PURA: variants seen among roughly 807,000 people sequenced by gnomAD.
The protein encoded by PURA is purine rich element binding protein A.
In PURA, 2 loss-of-function variants were observed where a neutral mutation model predicts 23.1. That is an observed-to-expected ratio of 0.09 (90% CI 0.04 to 0.27). The LOEUF (loss-of-function observed/expected upper bound fraction) is 0.27, where lower values mean the gene tolerates loss of function less well. Among genes scored for constraint, PURA ranks in the 10% least tolerant of loss-of-function variants. PURA has a pLI of 1.00. For missense variants in PURA, 187 were observed against 449.7 expected (o/e 0.42, Z 5.28); for synonymous variants, 254 against 205.9 (o/e 1.23, Z -2.00).
rs1226329374 is a variant in PURA at position 140,114,944 on chromosome 5, A to C, written c.763A>C (p.Asn255His). ...GAGCGAGGTGAAGCCCACCTATCGC[A>C]ACTCCATCACCGTGCCCTACAAGGT... is the stretch of plus-strand genomic sequence containing the variant. ...RVSEVKPTYRNSITVPYKVWA... is the reference protein window; with the variant it reads ...RVSEVKPTYRHSITVPYKVWA... Residue 255 changes from asparagine (N) to histidine (H), a missense_variant, in exon 1 of 1, where the codon AAC becomes CAC. Asn to His is a moderately conservative substitution (Grantham distance 68, BLOSUM62 1). Transcript: ENST00000331327. 1 of 1,614,096 alleles carries C rather than the reference A, an allele frequency of 6.2e-7. No homozygotes were observed. The highest frequency in any genetic ancestry group is 1.3e-5 in the African/African-American group (1 of 74,934).
At position 140,120,668 on chromosome 5, in the gene PURA, T is replaced by C. The variant is rs1349928248; in HGVS notation, c.*5518T>C. The C allele has an allele frequency of 1.2e-5, 2 of 165,796 alleles. No homozygotes were observed. Among genetic ancestry groups the C allele is most frequent in the Non-Finnish European group, 2.9e-5 (2 of 67,950 alleles). 10.3% of individuals were successfully genotyped at this position (165,796 alleles called of 1,614,324 possible). A position where few individuals can be genotyped will look rare whatever the true frequency, so the allele number is the denominator to read the frequency against. The stretch of plus-strand genomic sequence containing the variant: ...CAGAATTAGCATGAGTCAGGTAGAA[T>C]TTCATGATAAAAGAACAACCAGATG... On this transcript the variant is annotated 3_prime_UTR_variant, in exon 1 of 1. Coordinates refer to ENST00000331327, the MANE Select transcript of PURA (RefSeq NM_005859.5).
In PURA at chr5:140,123,189, GA is replaced by G. The variant is rs1763170992; in HGVS notation, c.*8042del. 1 of 166,846 alleles carries G rather than the reference GA, an allele frequency of 6.0e-6. No individual in the cohort carries two copies. Among genetic ancestry groups the G allele is most frequent in the South Asian group, 2.1e-4 (1 of 4,830 alleles). 10.3% of individuals were successfully genotyped at this position (166,846 alleles called of 1,614,324 possible). On this transcript the variant is annotated 3_prime_UTR_variant, in exon 1 of 1. Coordinates refer to ENST00000331327, the MANE Select transcript of PURA (RefSeq NM_005859.5). ...GCCTTCTTAAATAGCCCCTCCCTTA[GA>G]AATTTGTTTAAAAAGAAGTGAATTC...
rs1407326113 is a variant in PURA, at chr5:140,115,213, A to C, written c.*63A>C. The C allele has an allele frequency of 1.0e-6, 1 of 1,000,752 alleles. No individual in the cohort carries two copies. The highest frequency in any genetic ancestry group is 1.4e-6 in the Non-Finnish European group (1 of 704,426). 62.0% of individuals were successfully genotyped at this position (1,000,752 alleles called of 1,614,324 possible). On this transcript the variant is annotated 3_prime_UTR_variant, in exon 1 of 1. Transcript: ENST00000331327. This position sits in a 1 kb window ranked among gnomAD's most constrained non-coding sequence, Gnocchi z 4.1. ...TACACACACACACACAGCCACACACACAGAAAATATACTGTAAAGAAAGAG... is the reference window on the plus strand; with the variant it reads ...TACACACACACACACAGCCACACACCCAGAAAATATACTGTAAAGAAAGAG...
chr5:140,115,188 T>A lies in PURA; in HGVS notation c.*38T>A. 9.2e-7 allele frequency: 1 copy of A among 1,089,662 alleles called. No individual in the cohort carries two copies. Among genetic ancestry groups the A allele is most frequent in the Non-Finnish European group, 1.3e-6 (1 of 772,494 alleles). 67.5% of individuals were successfully genotyped at this position (1,089,662 alleles called of 1,614,324 possible). ...AAACCCCCACACACACACACATGCA[T>A]ACACACACACACACAGCCACACACA... On this transcript the variant is annotated 3_prime_UTR_variant, in exon 1 of 1. Coordinates refer to ENST00000331327, the MANE Select transcript of PURA (RefSeq NM_005859.5). This position sits in a 1 kb window ranked among gnomAD's most constrained non-coding sequence, Gnocchi z 4.1.
In PURA at chr5:140,118,795, C is replaced by T. The variant is rs992611696; in HGVS notation, c.*3645C>T. On this transcript the variant is annotated 3_prime_UTR_variant, in exon 1 of 1. Transcript: ENST00000331327. Reference sequence around the variant, plus strand: ...CCATGCAGGGGTTGAAATTTGATTCCAAGCGGAAAGTATATTATGTTTTTT... The same window carrying T: ...CCATGCAGGGGTTGAAATTTGATTCTAAGCGGAAAGTATATTATGTTTTTT... 6.0e-6 allele frequency: 1 copy of T among 166,808 alleles called. No homozygotes were observed. The highest frequency in any genetic ancestry group is 1.5e-5 in the Non-Finnish European group (1 of 68,026). 10.3% of individuals were successfully genotyped at this position (166,808 alleles called of 1,614,324 possible). A position where few individuals can be genotyped will look rare whatever the true frequency, so the allele number is the denominator to read the frequency against.
rs1763086600 is a variant in PURA at position 140,116,874 on chromosome 5, AT to A, written c.*1726del. Reference sequence around the variant, plus strand: ...TCTGACAGAGAGTTCTGGGGATGGAATTGTTTCTTGGCAAATCCAGCCATAT... The same window carrying A: ...TCTGACAGAGAGTTCTGGGGATGGAATGTTTCTTGGCAAATCCAGCCATAT... On this transcript the variant is annotated 3_prime_UTR_variant, in exon 1 of 1. Transcript: ENST00000331327. 3 of 166,014 alleles carry A rather than the reference AT, an allele frequency of 1.8e-5. No individual in the cohort carries two copies. The highest frequency in any genetic ancestry group is 7.3e-5 in the African/African-American group (3 of 41,346). The allele number at this position is 166,014 out of a possible 1,614,324, so 10.3% of individuals were successfully genotyped here. A position where few individuals can be genotyped will look rare whatever the true frequency, so the allele number is the denominator to read the frequency against.
rs1763094467 is a variant in PURA at position 140,117,461 on chromosome 5, A to G, written c.*2311A>G. The G allele has an allele frequency of 6.0e-6, 1 of 166,996 alleles. No homozygotes were observed. Among genetic ancestry groups the G allele is most frequent in the South Asian group, 2.1e-4 (1 of 4,828 alleles). 10.3% of individuals were successfully genotyped at this position (166,996 alleles called of 1,614,324 possible). ...TCTCTGTGCTGTTACTAATTAGGAA[A>G]GAGAATTGCTTTGATTTTGTCTCTT... On this transcript the variant is annotated 3_prime_UTR_variant, in exon 1 of 1. Transcript: ENST00000331327.
At position 140,121,915 on chromosome 5, in the gene PURA, G is replaced by A. The variant is rs1240039739; in HGVS notation, c.*6765G>A. 2.4e-5 allele frequency: 4 copies of A among 166,624 alleles called. No homozygotes were observed. The highest frequency in any genetic ancestry group is 5.9e-5 in the Non-Finnish European group (4 of 67,932). The allele number at this position is 166,624 out of a possible 1,614,324, so 10.3% of individuals were successfully genotyped here. ...GGGTTTGAGAGGTATATAGAGAATGGTTTGGAAATAAAGTGAGAGGAATTT... is the reference window on the plus strand; with the variant it reads ...GGGTTTGAGAGGTATATAGAGAATGATTTGGAAATAAAGTGAGAGGAATTT... On this transcript the variant is annotated 3_prime_UTR_variant, in exon 1 of 1. Coordinates refer to ENST00000331327, the MANE Select transcript of PURA (RefSeq NM_005859.5).
rs1257177417 is a variant in PURA, at chr5:140,119,693, G to A, written c.*4543G>A. 1.2e-5 allele frequency: 2 copies of A among 166,658 alleles called. No individual in the cohort carries two copies. Among genetic ancestry groups the A allele is most frequent in the African/African-American group, 4.8e-5 (2 of 41,364 alleles). The allele number at this position is 166,658 out of a possible 1,614,324, so 10.3% of individuals were successfully genotyped here. On this transcript the variant is annotated 3_prime_UTR_variant, in exon 1 of 1. Coordinates refer to ENST00000331327, the MANE Select transcript of PURA (RefSeq NM_005859.5). Reference sequence around the variant, plus strand: ...TTATCTCATTCATTTTTGTTTGTGTGCTTTTAACATTTTGTGTTTTGGCCC... The same window carrying A: ...TTATCTCATTCATTTTTGTTTGTGTACTTTTAACATTTTGTGTTTTGGCCC...
In PURA at chr5:140,124,743, T is replaced by G. The variant is rs1245595946; in HGVS notation, c.*9593T>G. The G allele has an allele frequency of 1.2e-5, 2 of 167,046 alleles. No homozygotes were observed. The highest frequency in any genetic ancestry group is 4.8e-5 in the African/African-American group (2 of 41,462). The allele number at this position is 167,046 out of a possible 1,614,324, so 10.3% of individuals were successfully genotyped here. Reference sequence around the variant, plus strand: ...TATCTAACTTTTATGTTGTCAAATCTTTAAATGTGGATGATATTCAGCATT... The same window carrying G: ...TATCTAACTTTTATGTTGTCAAATCGTTAAATGTGGATGATATTCAGCATT... On this transcript the variant is annotated 3_prime_UTR_variant, in exon 1 of 1. Transcript: ENST00000331327.
In PURA at chr5:140,120,468, A is replaced by C. The variant is rs868087659; in HGVS notation, c.*5318A>C. On this transcript the variant is annotated 3_prime_UTR_variant, in exon 1 of 1. Transcript: ENST00000331327. Reference sequence around the variant, plus strand: ...CTATAAAACTAAAGTGATCACTGCTATTCACGAATTATTATAGAATCTTCT... The same window carrying C: ...CTATAAAACTAAAGTGATCACTGCTCTTCACGAATTATTATAGAATCTTCT... 22 of 166,768 alleles carry C rather than the reference A, an allele frequency of 1.3e-4. No individual in the cohort carries two copies. Among genetic ancestry groups the C allele is most frequent in the Admixed American group, 4.6e-4 (7 of 15,248 alleles). 10.3% of individuals were successfully genotyped at this position (166,768 alleles called of 1,614,324 possible).
rs929081012 is a variant in PURA at position 140,121,068 on chromosome 5, G to T, written c.*5918G>T. On this transcript the variant is annotated 3_prime_UTR_variant, in exon 1 of 1. Transcript: ENST00000331327. ...TTTTCATAAATACACACATTGTTTT[G>T]ATAATTATTAGCAATTAGCTTATTT... The T allele has an allele frequency of 6.0e-6, 1 of 166,758 alleles. No homozygotes were observed. The highest frequency in any genetic ancestry group is 2.4e-5 in the African/African-American group (1 of 41,394). The allele number at this position is 166,758 out of a possible 1,614,324, so 10.3% of individuals were successfully genotyped here.
Position 140,118,814 on chromosome 5 carries a change from G to A in PURA, c.*3664G>A, listed in dbSNP as rs777276601. 1 of 166,804 alleles carries A rather than the reference G, an allele frequency of 6.0e-6. No homozygotes were observed. Among genetic ancestry groups the A allele is most frequent in the Non-Finnish European group, 1.5e-5 (1 of 68,036 alleles). The allele number at this position is 166,804 out of a possible 1,614,324, so 10.3% of individuals were successfully genotyped here. A position where few individuals can be genotyped will look rare whatever the true frequency, so the allele number is the denominator to read the frequency against. On this transcript the variant is annotated 3_prime_UTR_variant, in exon 1 of 1. Transcript: ENST00000331327. ...TGATTCCAAGCGGAAAGTATATTAT[G>A]TTTTTTCAGGCCTTCACATCTAGAG...
In PURA at chr5:140,115,100, G is replaced by A. The variant is rs751843411; in HGVS notation, c.919G>A (p.Ala307Thr). The A allele has an allele frequency of 2.1e-5, 33 of 1,608,914 alleles. No individual in the cohort carries two copies. The highest frequency in any genetic ancestry group is 2.6e-5 in the Non-Finnish European group (31 of 1,177,622). ...GCAACAGCAGCAGCAGGAGGAGACC[G>A]CCGCTGCCACCCTGCTACTGCAGGG... ...QQQQQQQEETAAATLLLQGEE... is the reference protein window; with the variant it reads ...QQQQQQQEETTAATLLLQGEE... The change falls in exon 1 of 1, where the codon GCC becomes ACC. Residue 307 changes from alanine (A) to threonine (T), a missense_variant. Around this residue, in one of 9 missense-constraint regions of PURA, gnomAD observed 65 missense variants for 158.6 expected, o/e 0.41. Transcript: ENST00000331327. This position sits in a 1 kb window ranked among gnomAD's most constrained non-coding sequence, Gnocchi z 4.1.
rs1763203626 is a variant in PURA, at chr5:140,125,599, A to AGATGG, written c.*10453_*10454insGGATG. The AGATGG allele has an allele frequency of 6.0e-6, 1 of 167,064 alleles. No individual in the cohort carries two copies. The highest frequency in any genetic ancestry group is 2.4e-5 in the African/African-American group (1 of 41,446). The allele number at this position is 167,064 out of a possible 1,614,324, so 10.3% of individuals were successfully genotyped here. On this transcript the variant is annotated 3_prime_UTR_variant, in exon 1 of 1. Coordinates refer to ENST00000331327, the MANE Select transcript of PURA (RefSeq NM_005859.5). Reference sequence around the variant, plus strand: ...TTTTAGTTTTGTCTGTTGGGAAACAAGATGTCACTAGGGAAAAAAAGATTT... The same window carrying AGATGG: ...TTTTAGTTTTGTCTGTTGGGAAACAAGATGGGATGTCACTAGGGAAAAAAAGATTT...
In PURA at chr5:140,119,026, TTAAA is replaced by T. The variant is rs1264495006; in HGVS notation, c.*3880_*3883del. 1.2e-5 allele frequency: 2 copies of T among 166,934 alleles called. No individual in the cohort carries two copies. Among genetic ancestry groups the T allele is most frequent in the African/African-American group, 4.8e-5 (2 of 41,456 alleles). 10.3% of individuals were successfully genotyped at this position (166,934 alleles called of 1,614,324 possible). A position where few individuals can be genotyped will look rare whatever the true frequency, so the allele number is the denominator to read the frequency against. ...TATCCCTTTCAAACTATGCAAATTA[TTAAA>T]TAAGTGTAAATTAGGATTCAATTAA... is the stretch of plus-strand genomic sequence containing the variant. On this transcript the variant is annotated 3_prime_UTR_variant, in exon 1 of 1. Coordinates refer to ENST00000331327, the MANE Select transcript of PURA (RefSeq NM_005859.5).
At position 140,114,932 on chromosome 5, in the gene PURA, C is replaced by G; in HGVS notation, c.751C>G (p.Pro251Ala). 1.2e-6 allele frequency: 2 copies of G among 1,614,238 alleles called. No individual in the cohort carries two copies. Among genetic ancestry groups the G allele is most frequent in the Non-Finnish European group, 1.7e-6 (2 of 1,180,038 alleles). The change falls in exon 1 of 1, where the codon CCC becomes GCC. Residue 251 changes from proline to alanine, a missense_variant. This residue lies in a region of PURA where 65 missense variants were observed against 158.6 expected (regional missense o/e 0.41). Coordinates refer to ENST00000331327, the MANE Select transcript of PURA (RefSeq NM_005859.5). ...GVFMRVSEVK[P>A]TYRNSITVPY... ...GTTTATGCGAGTGAGCGAGGTGAAGCCCACCTATCGCAACTCCATCACCGT... is the reference window on the plus strand; with the variant it reads ...GTTTATGCGAGTGAGCGAGGTGAAGGCCACCTATCGCAACTCCATCACCGT...
At position 140,123,332 on chromosome 5, in the gene PURA, G is replaced by C. The variant is rs944876559; in HGVS notation, c.*8182G>C. ...ATTTCCATGCTGCATATAGTTGTTA[G>C]GGTTTATAAAGTTGTCAATGTGTAA... On this transcript the variant is annotated 3_prime_UTR_variant, in exon 1 of 1. Coordinates refer to ENST00000331327, the MANE Select transcript of PURA (RefSeq NM_005859.5). 1 of 166,882 alleles carries C rather than the reference G, an allele frequency of 6.0e-6. No individual in the cohort carries two copies. Among genetic ancestry groups the C allele is most frequent in the African/African-American group, 2.4e-5 (1 of 41,428 alleles). The allele number at this position is 166,882 out of a possible 1,614,324, so 10.3% of individuals were successfully genotyped here. A position where few individuals can be genotyped will look rare whatever the true frequency, so the allele number is the denominator to read the frequency against.
rs913960223 is a variant in PURA at position 140,116,908 on chromosome 5, A to C, written c.*1758A>C. 52 of 166,814 alleles carry C rather than the reference A, an allele frequency of 3.1e-4. No homozygotes were observed. The highest frequency in any genetic ancestry group is 3.8e-4 in the Non-Finnish European group (26 of 68,072). The allele number at this position is 166,814 out of a possible 1,614,324, so 10.3% of individuals were successfully genotyped here. On this transcript the variant is annotated 3_prime_UTR_variant, in exon 1 of 1. Transcript: ENST00000331327. ...TGGCAAATCCAGCCATATAGATCTA[A>C]CTGCTGTATGTATAAGACACCACCT...
Sources: gnomAD v4.1 joint callset for allele counts on GRCh38, gnomAD v4.1.1 for gene constraint, gnomAD v4.1.1 regional missense constraint, Gnocchi (gnomAD v3.1) non-coding constraint, MANE v1.5 for transcripts, NCBI Gene and HGNC (gene_info 2026-07-23, HGNC 2026-07-21) for gene names.